TLN2: variants seen among roughly 807,000 people sequenced by gnomAD.
TLN2 encodes the protein talin 2.
TLN2 carries 118 observed loss-of-function variants against 294.7 expected under a neutral mutation model. The ratio of observed to expected loss-of-function variants is 0.40; its 90% CI spans 0.34 to 0.47. The LOEUF is 0.47. Among genes scored for constraint, TLN2 ranks in the 20% least tolerant of loss-of-function variants. The probability of loss-of-function intolerance (pLI) is 0.84; values close to 1 mark genes in which losing one functional copy is unlikely to be tolerated. For missense variants in TLN2, 3,083 were observed against 3,282.2 expected (o/e 0.94, Z 1.48); for synonymous variants, 1,431 against 1,304.5 (o/e 1.10, Z -2.09).
In TLN2 at chr15:62,654,200, T is replaced by C. The variant is rs556725169; in HGVS notation, c.517+886T>C. Among the ~76,000 whole-genome samples, 22 of 152,372 alleles carry C rather than the reference T, an allele frequency of 1.4e-4. No individual in the cohort carries two copies. The South Asian group carries it at 3.9e-3, about 27-fold the overall frequency. On this transcript the variant is annotated intron_variant, in intron 7 of 58. Coordinates refer to ENST00000636159, the MANE Select transcript of TLN2 (RefSeq NM_015059.3). ...TATGTGAAGAAACCAGATTGTTAGC[T>C]GTACAGCATTTCATACAGTCTGGAT...
chr15:62,538,364 C>T (rs990209423), intron 1 of TLN2, among the ~76,000 whole-genome samples: 2 of 152,180 alleles, frequency 1.3e-5, no homozygotes, highest in Non-Finnish European at 1.5e-5. Flanking sequence ...GGCCTATTAG[C>T]CCTAATTCTT....
At chr15:62,584,489 T>G (rs1307770488) in intron 1 of TLN2, among the ~76,000 whole-genome samples, 1 of 152,242 alleles carries the variant, frequency 6.6e-6, no homozygotes, top group African/African-American at 2.4e-5. Context: ...TGACGCTGTC[T>G]ACTTGCTCTT....
intron 54 of TLN2, chr15:62,828,157 C>G (rs896419620): frequency 6.6e-5 from 10 of 152,340 alleles, no homozygotes; most frequent in African/African-American, 2.2e-4. Flanking sequence ...AGGGATCTCA[C>G]CAGACCACTG....
chr15:62,797,552 G>A (rs2065587761), intron 48 of TLN2, 150 bp downstream of exon 48: 2 of 957,574 alleles, frequency 2.1e-6, no homozygotes, highest in African/African-American at 3.3e-5. Flanking sequence ...GTAGGAGGCA[G>A]TCATCCAAGC....
In TLN2 at chr15:62,564,941, T is replaced by TATATAC. The variant is rs68158506; in HGVS notation, c.-237-24745_-237-24744insTATACA. ...AAAAAAAAAAATATATATATATATATACTGCATTCCCCCCACTGACACACA... is the reference window on the plus strand; with the variant it reads ...AAAAAAAAAAATATATATATATATATATATACACTGCATTCCCCCCACTGACACACA... On this transcript the variant is annotated intron_variant, in intron 1 of 58. Transcript: ENST00000636159. Among the ~76,000 whole-genome samples the TATATAC allele has an allele frequency of 4.6e-4, 64 of 138,276 alleles. No individual in the cohort carries two copies. The South Asian group carries it at 0.011, about 25-fold the overall frequency. The allele number at this position is 138,276 out of a possible 152,430, so 90.7% of individuals were successfully genotyped here.
At chr15:62,731,893 T>G (rs2060747649) in intron 28 of TLN2, among the ~76,000 whole-genome samples, 2 of 152,202 alleles carry the variant, frequency 1.3e-5, no homozygotes, top group Non-Finnish European at 2.9e-5. Flanking sequence ...CTTTGATTTG[T>G]AAAAACTGTA....
At chr15:62,625,949 A>G (rs2049248431) in intron 3 of TLN2, among the ~76,000 whole-genome samples, 1 of 152,152 alleles carries the variant, frequency 6.6e-6, no homozygotes, top group Non-Finnish European at 1.5e-5. Flanking sequence ...TAGGTGGGGT[A>G]GGGCCTGAGT....
intron 3 of TLN2, among the ~76,000 whole-genome samples, chr15:62,635,389 T>C (rs2050276355): frequency 6.6e-6 from 1 of 152,190 alleles, no homozygotes; most frequent in African/African-American, 2.4e-5. Flanking sequence ...AATTAAATTA[T>C]GGGGCCTTAT....
chr15:62,584,614 C>T (rs2045435166), intron 1 of TLN2, among the ~76,000 whole-genome samples: 1 of 152,176 alleles, frequency 6.6e-6, no homozygotes, highest in Admixed American at 6.5e-5. Flanking sequence ...ATCTTCTGAC[C>T]TAGCAGAGCT....
At chr15:62,823,695 C>T (rs952724212) in intron 54 of TLN2, among the ~76,000 whole-genome samples, 2 of 152,204 alleles carry the variant, frequency 1.3e-5, no homozygotes, top group African/African-American at 4.8e-5. Flanking sequence ...ACCTCAGGCT[C>T]TTAAAACTTA....
intron 52 of TLN2, among the ~76,000 whole-genome samples, chr15:62,810,346 A>T (rs1189083040): frequency 2.0e-5 from 3 of 152,144 alleles, no homozygotes; most frequent in African/African-American, 7.2e-5. Context: ...GCCAGTGCCA[A>T]CCTGAAAAAG....
Position 62,504,151 on chromosome 15 carries a change from G to T in TLN2, c.-237-85536G>T, listed in dbSNP as rs183303725. 2.0e-5 allele frequency among the ~76,000 whole-genome samples: 3 copies of T among 152,254 alleles called. No homozygotes were observed. The East Asian group carries it at 5.8e-4, about 29-fold the overall frequency. On this transcript the variant is annotated intron_variant, in intron 1 of 58. Coordinates refer to ENST00000636159, the MANE Select transcript of TLN2 (RefSeq NM_015059.3). ...GGTAGTAGCTCTAGATTTTGTTGTT[G>T]TTCTTGTTGAACTCTGATAGGTCTC...
At chr15:62,774,920 C>G (rs1466586996) in intron 42 of TLN2, among the ~76,000 whole-genome samples, 1 of 144,984 alleles carries the variant, frequency 6.9e-6, no homozygotes, top group Non-Finnish European at 1.5e-5. Context: ...AGAAGGTATA[C>G]TTAATTTTCA....
chr15:62,626,462 A>T (rs1013864759), intron 3 of TLN2, among the ~76,000 whole-genome samples: 4 of 152,234 alleles, frequency 2.6e-5, no homozygotes, highest in East Asian at 3.8e-4. Context: ...TGACTTGAAT[A>T]TGGAAAATGA....
intron 41 of TLN2, among the ~76,000 whole-genome samples, chr15:62,770,089 C>T (rs1049884605): frequency 6.6e-6 from 1 of 152,224 alleles, no homozygotes; most frequent in African/African-American, 2.4e-5. Flanking sequence ...ACTGTGGCAG[C>T]TGAGAGCCAG....
chr15:62,751,624 G>A (rs369360147), intron 34 of TLN2, among the ~76,000 whole-genome samples: 14 of 152,100 alleles, frequency 9.2e-5, no homozygotes, highest in Middle Eastern at 3.2e-3. Context: ...CATCATTGTT[G>A]CCAAGGAAAA....
intron 21 of TLN2, 39 bp downstream of exon 21, chr15:62,708,835 T>C (rs2059238653): frequency 8.3e-6 from 13 of 1,564,708 alleles, no homozygotes; most frequent in Non-Finnish European, 1.1e-5. Context: ...TGGGTGGCTT[T>C]TGATGTTCCT....
intron 52 of TLN2, among the ~76,000 whole-genome samples, chr15:62,814,860 A>C (rs1232071666): frequency 6.6e-6 from 1 of 152,222 alleles, no homozygotes; most frequent in Non-Finnish European, 1.5e-5. Context: ...GGTTAAAATA[A>C]GGATAAGAAA....
chr15:62,410,607 C>T (rs1276776075), intron 1 of TLN2, among the ~76,000 whole-genome samples: 2 of 152,232 alleles, frequency 1.3e-5, no homozygotes, highest in Non-Finnish European at 2.9e-5. Flanking sequence ...TTTGTGCATT[C>T]TCTCCGTTAG....
Sources: gnomAD v4.1 joint callset for allele counts (sites outside exome capture counted in the v4.1 genomes callset) on GRCh38, gnomAD v4.1.1 for gene constraint, MANE v1.5 for transcripts, NCBI Gene and HGNC (gene_info 2026-07-23, HGNC 2026-07-21) for gene names.